Variants in MXD4 observed in about 807,000 individuals in gnomAD.
The protein encoded by MXD4 is Mad4 homolog.
Under a neutral mutation model 24.5 loss-of-function variants are expected in MXD4, and 16 were observed. The ratio of observed to expected loss-of-function variants is 0.65; its 90% confidence interval spans 0.44 to 0.99. MXD4 has a LOEUF of 0.99. Among genes scored for constraint, MXD4 ranks in the 50% least tolerant of loss-of-function variants. The probability of loss-of-function intolerance (pLI) is 0.00; values close to 1 mark genes in which losing one functional copy is unlikely to be tolerated. For missense variants in MXD4, 301 were observed against 301.5 expected (o/e 1.00, Z 0.01); for synonymous variants, 164 against 134.2 (o/e 1.22, Z -1.54).
chr4:2,251,057 G>A, intron 5 of MXD4, 27 bp downstream of exon 5: 2 of 1,526,706 alleles, frequency 1.3e-6, no homozygotes, highest in Middle Eastern at 4.7e-4. Flanking sequence ...AGGCCCAGGT[G>A]AGGCTGCCCC....
chr4:2,257,967 TG>T lies in MXD4; in HGVS notation c.194+14del. 5 of 1,613,650 alleles carry T rather than the reference TG, an allele frequency of 3.1e-6. No homozygotes were observed. The highest frequency in any genetic ancestry group is 4.2e-6 in the Non-Finnish European group (5 of 1,179,916). On this transcript the variant is annotated intron_variant, in intron 3 of 5. Coordinates refer to ENST00000337190, the MANE Select transcript of MXD4 (RefSeq NM_006454.3). ...CAGGTGTCGGGCTCATGTGGGGAAC[TG>T]GGGGGTCACTTACCTGTGCTTTTCT... is the stretch of plus-strand genomic sequence containing the variant.
At position 2,262,007 on chromosome 4, in the gene MXD4, G is replaced by A; in HGVS notation, c.-27C>T. Reference sequence around the variant, plus strand: ...CTCCCGCCCGCGCCCGTCCGCCCCGGGACGGCGGCGGCCGCTGCCCGGCCC... The same window carrying A: ...CTCCCGCCCGCGCCCGTCCGCCCCGAGACGGCGGCGGCCGCTGCCCGGCCC... On this transcript the variant is annotated 5_prime_UTR_variant, in exon 1 of 6. Coordinates refer to ENST00000337190, the MANE Select transcript of MXD4 (RefSeq NM_006454.3). The A allele has an allele frequency of 8.2e-7, 1 of 1,213,406 alleles. No homozygotes were observed. Among genetic ancestry groups the A allele is most frequent in the East Asian group, 4.0e-5 (1 of 24,860 alleles). The allele number at this position is 1,213,406 out of a possible 1,614,324, so 75.2% of individuals were successfully genotyped here. A position where few individuals can be genotyped will look rare whatever the true frequency, so the allele number is the denominator to read the frequency against.
Position 2,261,700 on chromosome 4 carries a change from CGGGGT to C in MXD4, c.164+20_164+24del. ...GGGCGGGGGTTCGGACCGGGCCGGG[CGGGGT>C]CGGGAGCGGGGGGCGGTACCTGTTG... is the stretch of plus-strand genomic sequence containing the variant. On this transcript the variant is annotated intron_variant, in intron 2 of 5. Transcript: ENST00000337190. The C allele has an allele frequency of 8.0e-7, 1 of 1,252,276 alleles. No homozygotes were observed. The highest frequency in any genetic ancestry group is 1.0e-6 in the Non-Finnish European group (1 of 984,060). 77.6% of individuals were successfully genotyped at this position (1,252,276 alleles called of 1,614,324 possible). A position where few individuals can be genotyped will look rare whatever the true frequency, so the allele number is the denominator to read the frequency against.
At position 2,249,666 on chromosome 4, in the gene MXD4, C is replaced by A. The variant is rs1316922793; in HGVS notation, c.*878G>T. On this transcript the variant is annotated 3_prime_UTR_variant, in exon 6 of 6. Transcript: ENST00000337190. ...ACCAGCCTCCAGTTCACCCCAGCCC[C>A]AGCCAGGAAGAGAAGCCCCTCTCCT... is the stretch of plus-strand genomic sequence containing the variant. 2.0e-5 allele frequency: 3 copies of A among 152,282 alleles called. No individual in the cohort carries two copies. Among genetic ancestry groups the A allele is most frequent in the African/African-American group, 7.2e-5 (3 of 41,444 alleles). The allele number at this position is 152,282 out of a possible 1,614,324, so 9.4% of individuals were successfully genotyped here.
chr4:2,251,262 G>A lies in MXD4; in HGVS notation c.310-16C>T. 3 of 1,573,014 alleles carry A rather than the reference G, an allele frequency of 1.9e-6. No individual in the cohort carries two copies. The highest frequency in any genetic ancestry group is 1.3e-5 in the African/African-American group (1 of 74,146). ...CCTCCAGTTTCTGGGGTCGAGGGGG[G>A]CTGTGAGCTCACAGCGGGAAGAGGA... is the stretch of plus-strand genomic sequence containing the variant. On this transcript the variant is annotated splice_polypyrimidine_tract_variant and intron_variant, in intron 4 of 5. Transcript: ENST00000337190.
Position 2,250,888 on chromosome 4 carries a change from G to A in MXD4, c.473-187C>T, listed in dbSNP as rs182567945. On this transcript the variant is annotated intron_variant, in intron 5 of 5. Transcript: ENST00000337190. ...GGCCTCAGAAGCACCAGTCCTCAGC[G>A]GGCCACACAGCCTCTGCATCCCACC... Among the ~76,000 whole-genome samples, 866 of 152,266 alleles carry A rather than the reference G, an allele frequency of 5.7e-3. 10 individuals are homozygous for A. The highest frequency in any genetic ancestry group is 0.02 in the African/African-American group (833 of 41,556).
chr4:2,252,280 G>A, intron 4 of MXD4, 128 bp downstream of exon 4: 1 of 729,136 alleles, frequency 1.4e-6, no homozygotes, highest in South Asian at 1.6e-5. Context: ...CCCGCCAGAT[G>A]GCTCCCCACC....
At position 2,250,681 on chromosome 4, in the gene MXD4, C is replaced by T. The variant is rs1218355505; in HGVS notation, c.493G>A (p.Glu165Lys). The change falls in exon 6 of 6, where the codon GAG becomes AAG. Residue 165 changes from glutamate (E) to lysine (K), a missense_variant. Coordinates refer to ENST00000337190, the MANE Select transcript of MXD4 (RefSeq NM_006454.3). ...CTGTCCAGCTCACCAGGGCCAAACT[C>T]CATGCCCTCTATGTCCACTTCTAGG... Reference protein sequence around the residue: ...SEQEVDIEGMEFGPGELDSVG... With the variant: ...SEQEVDIEGMKFGPGELDSVG... 1 of 1,613,670 alleles carries T rather than the reference C, an allele frequency of 6.2e-7. No homozygotes were observed.
chr4:2,260,382 T>G (rs1306008126), intron 2 of MXD4, among the ~76,000 whole-genome samples: 1 of 152,238 alleles, frequency 6.6e-6, no homozygotes, highest in Non-Finnish European at 1.5e-5. Flanking sequence ...GGGGTGAAGA[T>G]GAACTGGCTG....
rs1003415331 is a variant in MXD4, at chr4:2,261,450, G to C, written c.164+275C>G. On this transcript the variant is annotated intron_variant, in intron 2 of 5. Transcript: ENST00000337190. ...CAACTCGGGGGCGGGGAGCGGGCGCGGGAGCGGACCCCGGCGGCGGGCGCT... is the reference window on the plus strand; with the variant it reads ...CAACTCGGGGGCGGGGAGCGGGCGCCGGAGCGGACCCCGGCGGCGGGCGCT... Among the ~76,000 whole-genome samples the C allele has an allele frequency of 8.6e-5, 13 of 151,766 alleles. 1 individual carries two copies. Among genetic ancestry groups the C allele is most frequent in the Admixed American group, 3.9e-4 (6 of 15,260 alleles).
chr4:2,250,800 G>A (rs761761741), intron 5 of MXD4, 99 bp from the exon 6 acceptor site: 127 of 1,438,100 alleles, frequency 8.8e-5, no homozygotes, highest in Non-Finnish European at 1.1e-4. Flanking sequence ...AGGGGCAGAA[G>A]TGCGGAGGGC....
At chr4:2,257,822 C>T (rs1249946147) in intron 3 of MXD4, among the ~76,000 whole-genome samples, 160 bp downstream of exon 3, 1 of 152,278 alleles carries the variant, frequency 6.6e-6, no homozygotes, top group Non-Finnish European at 1.5e-5. Context: ...AAACAGACCT[C>T]AGCCTTCTCC....
Position 2,261,825 on chromosome 4 carries a change from C to A in MXD4, c.65-1G>T. ...ACCGAGGCGTAGCCGTGCTCGGCCT[C>A]TGCGGACACACGGCGCGGTCAGCGG... On this transcript the variant is annotated splice_acceptor_variant, in intron 1 of 5. Coordinates refer to ENST00000337190, the MANE Select transcript of MXD4 (RefSeq NM_006454.3). LOFTEE classifies it high-confidence loss of function. 1 of 1,378,052 alleles carries A rather than the reference C, an allele frequency of 7.3e-7. No individual in the cohort carries two copies. Among genetic ancestry groups the A allele is most frequent in the Admixed American group, 3.3e-5 (1 of 30,502 alleles). 85.4% of individuals were successfully genotyped at this position (1,378,052 alleles called of 1,614,324 possible). A position where few individuals can be genotyped will look rare whatever the true frequency, so the allele number is the denominator to read the frequency against.
At chr4:2,255,428 CCA>C (rs1178253807) in intron 3 of MXD4, 4 of 455,764 alleles carry the variant, frequency 8.8e-6, no homozygotes, top group African/African-American at 8.0e-5. Context: ...TCCACCTGGC[CCA>C]AGAGTGTGGG....
intron 3 of MXD4, chr4:2,253,474 G>C (rs1735363604): frequency 6.6e-6 from 1 of 152,208 alleles, no homozygotes; most frequent in African/African-American, 2.4e-5. Context: ...TCCAAATATA[G>C]GACACTTTGA....
rs1735272456 is a variant in MXD4, at chr4:2,249,713, G to C, written c.*831C>G. On this transcript the variant is annotated 3_prime_UTR_variant, in exon 6 of 6. Coordinates refer to ENST00000337190, the MANE Select transcript of MXD4 (RefSeq NM_006454.3). ...TCCTGTGCAGACAGGCAGGACTACTGGGTGGGCGTGGGTGAGCAGGAGCTA... is the reference window on the plus strand; with the variant it reads ...TCCTGTGCAGACAGGCAGGACTACTCGGTGGGCGTGGGTGAGCAGGAGCTA... 6.6e-6 allele frequency: 1 copy of C among 152,300 alleles called. No homozygotes were observed. The highest frequency in any genetic ancestry group is 1.5e-5 in the Non-Finnish European group (1 of 68,094). The allele number at this position is 152,300 out of a possible 1,614,324, so 9.4% of individuals were successfully genotyped here. A position where few individuals can be genotyped will look rare whatever the true frequency, so the allele number is the denominator to read the frequency against.
rs1457899517 is a variant in MXD4, at chr4:2,260,535, A to C, written c.164+1190T>G. 12 of 455,716 alleles carry C rather than the reference A, an allele frequency of 2.6e-5. No individual in the cohort carries two copies. In the East Asian group the frequency reaches 7.7e-4, roughly 29 times the overall value. 28.2% of individuals were successfully genotyped at this position (455,716 alleles called of 1,614,324 possible). On this transcript the variant is annotated intron_variant, in intron 2 of 5. Transcript: ENST00000337190. The stretch of plus-strand genomic sequence containing the variant: ...CGGGTCAGGGACTTGGTTTGGAGAG[A>C]AGCGGCAGCGGGGGCCGGGCTTGCT...
intron 5 of MXD4, 95 bp from the exon 6 acceptor site, chr4:2,250,796 A>G: frequency 6.9e-7 from 1 of 1,450,002 alleles, no homozygotes; most frequent in South Asian, 1.4e-5. Context: ...GCAGAGGGGC[A>G]GAAGTGCGGA....
Position 2,250,229 on chromosome 4 carries a change from G to A in MXD4, c.*315C>T. 1 of 377,598 alleles carries A rather than the reference G, an allele frequency of 2.6e-6. No homozygotes were observed. Among genetic ancestry groups the A allele is most frequent in the Non-Finnish European group, 4.8e-6 (1 of 207,686 alleles). The allele number at this position is 377,598 out of a possible 1,614,324, so 23.4% of individuals were successfully genotyped here. A position where few individuals can be genotyped will look rare whatever the true frequency, so the allele number is the denominator to read the frequency against. On this transcript the variant is annotated 3_prime_UTR_variant, in exon 6 of 6. Transcript: ENST00000337190. ...CCTCACACGGCACCTGCCGAGGTTT[G>A]CAGCAATGACGTTTAATACTTCTGG...
Sources: gnomAD v4.1 joint callset for allele counts (sites outside exome capture counted in the v4.1 genomes callset) on GRCh38, gnomAD v4.1.1 for gene constraint, MANE v1.5 for transcripts, NCBI Gene and HGNC (gene_info 2026-07-23, HGNC 2026-07-21) for gene names.